Variants in AKAP19 observed in about 807,000 individuals in gnomAD.
AKAP19 encodes the protein small A-kinase anchoring protein.
At chr2:189,898,453 CT>C in the AKAP19 span, among the ~76,000 whole-genome samples, 1 of 152,110 alleles carries the variant, frequency 6.6e-6, no homozygotes, top group Non-Finnish European at 1.5e-5. Flanking sequence ...CTACTTTCAT[CT>C]TTTCTCTCAT....
At chr2:190,195,209 A>G in the AKAP19 span, among the ~76,000 whole-genome samples, 4 of 152,206 alleles carry the variant, frequency 2.6e-5, no homozygotes, top group Admixed American at 6.5e-5. Flanking sequence ...GATGTGCCAC[A>G]GTTTACCCAT....
chr2:189,941,353 G>A, the AKAP19 span, among the ~76,000 whole-genome samples: 1 of 152,108 alleles, frequency 6.6e-6, no homozygotes, highest in Non-Finnish European at 1.5e-5. Flanking sequence ...AGATCCACTC[G>A]TAACTCCAGT....
the AKAP19 span, among the ~76,000 whole-genome samples, chr2:189,931,332 A>G: frequency 6.6e-6 from 1 of 152,308 alleles, no homozygotes; most frequent in African/African-American, 2.4e-5. Flanking sequence ...CTGTGTATAG[A>G]AAACAGGAAA....
chr2:190,078,764 G>T, the AKAP19 span, among the ~76,000 whole-genome samples: 1 of 151,962 alleles, frequency 6.6e-6, no homozygotes, highest in Admixed American at 6.6e-5. Flanking sequence ...ATATGCCGTT[G>T]CATTTGACCC....
At chr2:189,982,007 T>G in the AKAP19 span, among the ~76,000 whole-genome samples, 1 of 150,832 alleles carries the variant, frequency 6.6e-6, no homozygotes, top group Non-Finnish European at 1.5e-5. Flanking sequence ...GCATGGCATC[T>G]TGCAGGTGTG....
the AKAP19 span, among the ~76,000 whole-genome samples, chr2:190,004,478 C>CTATTAT: frequency 0.6 from 91,283 of 151,184 alleles, 31,061 homozygotes; most frequent in South Asian, 0.78. Context: ...ACCTTATCAC[C>CTATTAT]TATTATTATT....
chr2:190,171,779 G>A, the AKAP19 span, among the ~76,000 whole-genome samples: 2 of 152,058 alleles, frequency 1.3e-5, no homozygotes, highest in African/African-American at 4.8e-5. Context: ...GTTTATGGGG[G>A]GAAAATAACT....
the AKAP19 span, chr2:190,199,577 T>TTGCAA: frequency 2.4e-6 from 1 of 424,318 alleles, no homozygotes; most frequent in South Asian, 7.4e-5. Context: ...TAAAGCTGTT[T>TTGCAA]GTTTTTACCT....
the AKAP19 span, among the ~76,000 whole-genome samples, chr2:189,916,143 A>AT: frequency 6.6e-6 from 1 of 152,144 alleles, no homozygotes; most frequent in Non-Finnish European, 1.5e-5. Flanking sequence ...ACATGCAACC[A>AT]TAAGTAATAG....
the AKAP19 span, among the ~76,000 whole-genome samples, chr2:190,115,006 T>C: frequency 6.6e-6 from 1 of 151,566 alleles, no homozygotes; most frequent in Non-Finnish European, 1.5e-5. Context: ...GAGATCTAAT[T>C]GTTTTTCACC....
At chr2:189,936,079 C>A in the AKAP19 span, among the ~76,000 whole-genome samples, 3 of 152,018 alleles carry the variant, frequency 2.0e-5, no homozygotes, top group African/African-American at 7.2e-5. Flanking sequence ...TGGATATTTT[C>A]TATCTAAAGA....
chr2:189,920,981 A>G, the AKAP19 span, among the ~76,000 whole-genome samples: 1 of 152,192 alleles, frequency 6.6e-6, no homozygotes, highest in African/African-American at 2.4e-5. Flanking sequence ...TTATATCATC[A>G]GGAAATGTGA....
chr2:190,035,093 C>A, the AKAP19 span, among the ~76,000 whole-genome samples: 1 of 152,070 alleles, frequency 6.6e-6, no homozygotes, highest in African/African-American at 2.4e-5. Context: ...GTAATGTATT[C>A]ATTTTAAAAA....
the AKAP19 span, among the ~76,000 whole-genome samples, chr2:190,180,227 G>A: frequency 1.6e-4 from 25 of 152,364 alleles, no homozygotes; most frequent in Admixed American, 1.2e-3. The surrounding 1 kb of genome is among the most constrained non-coding windows in gnomAD (Gnocchi z 6.8). Context: ...TGGGGTTTCA[G>A]GTCAAAGCAG....
chr2:190,196,966 G>A, the AKAP19 span, among the ~76,000 whole-genome samples: 1 of 152,106 alleles, frequency 6.6e-6, no homozygotes, highest in African/African-American at 2.4e-5. Context: ...CTGGAGGCTG[G>A]GAAGTCCAAG....
the AKAP19 span, among the ~76,000 whole-genome samples, chr2:190,196,876 C>T: frequency 6.6e-6 from 1 of 152,096 alleles, no homozygotes; most frequent in East Asian, 1.9e-4. Context: ...GATGGTATAA[C>T]AAAATACCAG....
the AKAP19 span, among the ~76,000 whole-genome samples, chr2:189,915,549 T>A: frequency 6.6e-6 from 1 of 152,112 alleles, no homozygotes; most frequent in African/African-American, 2.4e-5. Flanking sequence ...TGTGTCAATT[T>A]GATTTTTTTT....
the AKAP19 span, among the ~76,000 whole-genome samples, chr2:189,934,367 A>G: frequency 6.6e-6 from 1 of 152,060 alleles, no homozygotes; most frequent in African/African-American, 2.4e-5. Context: ...TAATGAACAG[A>G]TGCAGATTCC....
chr2:190,038,977 CT>C, the AKAP19 span, among the ~76,000 whole-genome samples: 1 of 138,146 alleles, frequency 7.2e-6, no homozygotes, highest in African/African-American at 2.8e-5. Context: ...CTTCTTTCTT[CT>C]TCTTCTTCCT....
Sources: allele counts gnomAD v4.1 joint callset (sites outside exome capture counted in the v4.1 genomes callset), GRCh38; gene constraint gnomAD v4.1.1; non-coding constraint Gnocchi (gnomAD v3.1); transcripts MANE v1.5; gene names NCBI Gene and HGNC (gene_info 2026-07-23, HGNC 2026-07-21).